Variants in DAB1 observed in about 807,000 individuals in gnomAD.
DAB1 encodes the protein DAB adaptor protein 1, also known as disabled homolog 1.
Under a neutral mutation model 64.6 loss-of-function variants are expected in DAB1, and 15 were observed. The ratio of observed to expected loss-of-function variants is 0.23; its 90% CI spans 0.16 to 0.36. DAB1 has a LOEUF of 0.36. Among genes scored for constraint, DAB1 ranks in the 10% least tolerant of loss-of-function variants. DAB1 has a pLI of 1.00. For synonymous variants in DAB1, 235 were observed against 251.9 expected, an observed-to-expected ratio of 0.93 and a Z score of 0.64; for missense variants, 596 against 706.7, an observed-to-expected ratio of 0.84 and a Z score of 1.78.
intron 7 of DAB1, among the ~76,000 whole-genome samples, chr1:57,559,534 T>C (rs1201746024): frequency 6.6e-6 from 1 of 152,172 alleles, no homozygotes; most frequent in Non-Finnish European, 1.5e-5. Flanking sequence ...CACCGGCTCT[T>C]AGCTGATGTT....
At chr1:57,790,011 G>A (rs1010536084) in intron 6 of DAB1, among the ~76,000 whole-genome samples, 1 of 152,162 alleles carries the variant, frequency 6.6e-6, no homozygotes, top group African/African-American at 2.4e-5. Context: ...ATGGCTAACA[G>A]GAGGCACCAA....
intron 4 of DAB1, among the ~76,000 whole-genome samples, chr1:58,294,193 CTTTAA>C (rs1439172066): frequency 6.6e-6 from 1 of 152,030 alleles, no homozygotes; most frequent in African/African-American, 2.4e-5. Context: ...TCAGACAGGA[CTTTAA>C]TTTCATCAGA....
chr1:58,385,327 A>G (rs548085411), intron 3 of DAB1, among the ~76,000 whole-genome samples: 187 of 152,304 alleles, frequency 1.2e-3, no homozygotes, highest in Middle Eastern at 3.4e-3. Flanking sequence ...GTTTCATAGT[A>G]TTTGCTTAAT....
intron 2 of DAB1, among the ~76,000 whole-genome samples, chr1:57,204,195 T>G (rs1162687865): frequency 6.6e-6 from 1 of 152,044 alleles, no homozygotes; most frequent in Non-Finnish European, 1.5e-5. Context: ...CGGCCTGGAG[T>G]AGTATTCTTT....
intron 1 of DAB1, among the ~76,000 whole-genome samples, chr1:57,337,648 A>C (rs1445152062): frequency 6.6e-6 from 1 of 152,158 alleles, no homozygotes; most frequent in African/African-American, 2.4e-5. Flanking sequence ...TGGTTGGTTT[A>C]CTGCTGTATC....
chr1:56,998,279 G>A (rs1435803785), intron 14 of DAB1, among the ~76,000 whole-genome samples, 151 bp from the exon 15 acceptor site: 1 of 152,186 alleles, frequency 6.6e-6, no homozygotes, highest in Non-Finnish European at 1.5e-5. Context: ...TGATCAGGGT[G>A]CATAACATTT....
At chr1:57,089,186 T>A (rs568068153) in intron 4 of DAB1, among the ~76,000 whole-genome samples, 1 of 152,228 alleles carries the variant, frequency 6.6e-6, no homozygotes, top group Admixed American at 6.5e-5. Context: ...GCTTAATAAA[T>A]GTTATATTGT....
intron 6 of DAB1, among the ~76,000 whole-genome samples, chr1:57,752,639 G>C (rs1322156139): frequency 6.6e-6 from 1 of 152,208 alleles, no homozygotes; most frequent in Non-Finnish European, 1.5e-5. Context: ...CTGATGAGCA[G>C]ACTGGTGGTG....
chr1:57,003,484 G>A (rs182095997), intron 14 of DAB1, among the ~76,000 whole-genome samples: 1 of 151,772 alleles, frequency 6.6e-6, no homozygotes, highest in Non-Finnish European at 1.5e-5. Context: ...GCAGAGCTGG[G>A]ACATACTGCT....
chr1:57,343,582 C>T (rs528506968), intron 1 of DAB1, among the ~76,000 whole-genome samples: 12 of 152,350 alleles, frequency 7.9e-5, no homozygotes, highest in East Asian at 1.9e-4. Context: ...CTGCAGGTCC[C>T]GAGCCCTGCC....
At chr1:58,061,239 C>T (rs750958165) in intron 5 of DAB1, among the ~76,000 whole-genome samples, 1 of 152,206 alleles carries the variant, frequency 6.6e-6, no homozygotes, top group Non-Finnish European at 1.5e-5. Flanking sequence ...GAGCAAGTCG[C>T]TTAACCCCTC....
chr1:57,521,243 C>T (rs1289050570), intron 7 of DAB1, among the ~76,000 whole-genome samples: 1 of 152,148 alleles, frequency 6.6e-6, no homozygotes, highest in Non-Finnish European at 1.5e-5. Flanking sequence ...AGGGGATTAA[C>T]TGGCTCAGCA....
chr1:57,892,302 G>A (rs1644327180), intron 5 of DAB1, among the ~76,000 whole-genome samples: 1 of 152,100 alleles, frequency 6.6e-6, no homozygotes, highest in African/African-American at 2.4e-5. Flanking sequence ...TTCCCAGAAG[G>A]ACCTCTTCAT....
rs536217902 is a variant in DAB1 at position 58,453,431 on chromosome 1, C to T, written n.257+52629G>A. Among the ~76,000 whole-genome samples, 6 of 152,292 alleles carry T rather than the reference C, an allele frequency of 3.9e-5. No individual in the cohort carries two copies. In the South Asian group the frequency reaches 6.2e-4, roughly 16 times the overall value. Reference sequence around the variant, plus strand: ...TGGTGAATGGCTATATTCCTACTCGCGAGTCTTTGCTCACACTGTCCCAAC... The same window carrying T: ...TGGTGAATGGCTATATTCCTACTCGTGAGTCTTTGCTCACACTGTCCCAAC... On this transcript the variant is annotated intron_variant and non_coding_transcript_variant, in intron 3 of 20. Coordinates refer to the DAB1 transcript ENST00000485760.
rs1643988416 is a variant in DAB1 at position 58,345,703 on chromosome 1, T to TC, written n.258-2301dup. 2.0e-5 allele frequency among the ~76,000 whole-genome samples: 3 copies of TC among 151,928 alleles called. No individual in the cohort carries two copies. In the South Asian group the frequency reaches 6.3e-4, roughly 32 times the overall value. ...ACTTAAGAGGCCAGAGATACTCCAA[T>TC]CCCCTCTCCTGAGCTTCCCTCGTGC... On this transcript the variant is annotated intron_variant and non_coding_transcript_variant, in intron 3 of 20. Coordinates refer to the DAB1 transcript ENST00000485760.
intron 4 of DAB1, among the ~76,000 whole-genome samples, chr1:58,258,491 C>G (rs569246785): frequency 6.6e-6 from 1 of 152,192 alleles, no homozygotes. Context: ...ACTGTGTGGC[C>G]TTGGACTGGG....
intron 7 of DAB1, among the ~76,000 whole-genome samples, chr1:57,510,239 A>C (rs1644391423): frequency 6.6e-6 from 1 of 152,080 alleles, no homozygotes; most frequent in Non-Finnish European, 1.5e-5. Context: ...AATCCAATGG[A>C]GCTCTCTCTG....
intron 5 of DAB1, among the ~76,000 whole-genome samples, chr1:58,123,899 C>A (rs1435610372): frequency 6.6e-6 from 1 of 152,006 alleles, no homozygotes; most frequent in Non-Finnish European, 1.5e-5. Context: ...AGGTTTGAAG[C>A]CATATACTAA....
intron 4 of DAB1, among the ~76,000 whole-genome samples, chr1:58,162,525 C>T (rs1655598805): frequency 6.6e-6 from 1 of 152,166 alleles, no homozygotes; most frequent in African/African-American, 2.4e-5. Flanking sequence ...AAAATCCCAC[C>T]TCCTTGAACA....
Sources: gnomAD v4.1 joint callset for allele counts (sites outside exome capture counted in the v4.1 genomes callset) on GRCh38, gnomAD v4.1.1 for gene constraint, MANE v1.5 for transcripts, NCBI Gene and HGNC (gene_info 2026-07-23, HGNC 2026-07-21) for gene names.